The following HS3ST3A1 variants were observed in gnomAD, a reference collection of about 807,000 sequenced individuals.
HS3ST3A1 encodes heparan sulfate glucosamine 3-O-sulfotransferase 3A1.
A neutral mutation model predicts 25.7 loss-of-function variants in HS3ST3A1; 19 were observed. The ratio of observed to expected loss-of-function variants is 0.74; its 90% CI spans 0.52 to 1.08. The LOEUF (loss-of-function observed/expected upper bound fraction) is 1.08, where lower values mean the gene tolerates loss of function less well. Ranked by LOEUF, HS3ST3A1 falls within the 50% of genes least tolerant of loss-of-function variation. HS3ST3A1 has a pLI of 0.00. For missense variants in HS3ST3A1, 459 were observed against 594.3 expected (o/e 0.77, Z 2.37); for synonymous variants, 226 against 278.6 (o/e 0.81, Z 1.88).
At chr17:13,576,614 A>G (rs1907953791) in intron 1 of HS3ST3A1, among the ~76,000 whole-genome samples, 1 of 152,224 alleles carries the variant, frequency 6.6e-6, no homozygotes, top group African/African-American at 2.4e-5. Flanking sequence ...AAAGAGCATC[A>G]AGAGTATATG....
At chr17:13,573,836 A>G (rs1050397768) in intron 1 of HS3ST3A1, among the ~76,000 whole-genome samples, 1 of 152,120 alleles carries the variant, frequency 6.6e-6, no homozygotes, top group Non-Finnish European at 1.5e-5. Flanking sequence ...TCCAAAGTGG[A>G]GTTACGGGCA....
chr17:13,575,997 G>C (rs145637446), intron 1 of HS3ST3A1, among the ~76,000 whole-genome samples: 2 of 152,308 alleles, frequency 1.3e-5, no homozygotes, highest in African/African-American at 4.8e-5. Flanking sequence ...GCAAATGCTC[G>C]GGCCTCATGT....
chr17:13,505,018 A>T (rs1317194190), intron 1 of HS3ST3A1, among the ~76,000 whole-genome samples: 2 of 152,208 alleles, frequency 1.3e-5, no homozygotes, highest in Admixed American at 6.5e-5. Context: ...TACTCAGCCA[A>T]AAAAGAGATA....
At chr17:13,596,388 C>T (rs916690921) in intron 1 of HS3ST3A1, among the ~76,000 whole-genome samples, 5 of 146,394 alleles carry the variant, frequency 3.4e-5, no homozygotes, top group African/African-American at 1.3e-4. Flanking sequence ...TCGGTGTCTG[C>T]TCCCGCATGT....
intron 1 of HS3ST3A1, among the ~76,000 whole-genome samples, chr17:13,572,470 T>A (rs1907841266): frequency 6.6e-6 from 1 of 152,014 alleles, no homozygotes; most frequent in Non-Finnish European, 1.5e-5. Flanking sequence ...TTAGAGAAAG[T>A]CGGGGTGCTA....
At position 13,495,808 on chromosome 17, in the gene HS3ST3A1, G is replaced by A. The variant is rs1018254707; in HGVS notation, c.*389C>T. 3.7e-5 allele frequency: 6 copies of A among 160,458 alleles called. No homozygotes were observed. The highest frequency in any genetic ancestry group is 1.9e-4 in the South Asian group (1 of 5,178). The allele number at this position is 160,458 out of a possible 1,614,324, so 9.9% of individuals were successfully genotyped here. On this transcript the variant is annotated 3_prime_UTR_variant, in exon 2 of 2. Coordinates refer to ENST00000284110, the MANE Select transcript of HS3ST3A1 (RefSeq NM_006042.3). Reference sequence around the variant, plus strand: ...GAAATAATTTAAGAAAAAGTGGCACGGGAAAAAGGGAGAAAAATATAAGGA... The same window carrying A: ...GAAATAATTTAAGAAAAAGTGGCACAGGAAAAAGGGAGAAAAATATAAGGA...
In HS3ST3A1 at chr17:13,496,899, C is replaced by T. The variant is rs955399854; in HGVS notation, c.600-81G>A. 2.1e-5 allele frequency: 32 copies of T among 1,532,030 alleles called. No homozygotes were observed. In the African/African-American group the frequency reaches 3.4e-4, roughly 16 times the overall value. The allele number at this position is 1,532,030 out of a possible 1,614,324, so 94.9% of individuals were successfully genotyped here. ...GAGACTGTCAAGTACACGCTGGAGCCAGGCCGCAATTCCAGCCCCCGCAAC... is the reference window on the plus strand; with the variant it reads ...GAGACTGTCAAGTACACGCTGGAGCTAGGCCGCAATTCCAGCCCCCGCAAC... On this transcript the variant is annotated intron_variant, in intron 1 of 1. Coordinates refer to ENST00000284110, the MANE Select transcript of HS3ST3A1 (RefSeq NM_006042.3).
intron 1 of HS3ST3A1, among the ~76,000 whole-genome samples, chr17:13,534,895 G>A (rs542217373): frequency 2.1e-4 from 32 of 152,180 alleles, no homozygotes; most frequent in Non-Finnish European, 3.4e-4. Context: ...GTGTGGTGGC[G>A]CATGCCTGTA....
intron 1 of HS3ST3A1, among the ~76,000 whole-genome samples, chr17:13,583,033 G>T (rs1401534862): frequency 6.6e-6 from 1 of 152,186 alleles, no homozygotes; most frequent in East Asian, 1.9e-4. Flanking sequence ...GTAACTGAAA[G>T]GCAATAAATT....
intron 1 of HS3ST3A1, among the ~76,000 whole-genome samples, chr17:13,507,266 T>C (rs1905715522): frequency 6.6e-6 from 1 of 152,308 alleles, no homozygotes; most frequent in South Asian, 2.1e-4. Flanking sequence ...TGATGTATTA[T>C]TTCTTGAGTC....
At chr17:13,533,579 G>T (rs540022156) in intron 1 of HS3ST3A1, among the ~76,000 whole-genome samples, 4 of 148,904 alleles carry the variant, frequency 2.7e-5, no homozygotes, top group Non-Finnish European at 6.0e-5. Flanking sequence ...TCATTGCAAA[G>T]AATTTAAATC....
intron 1 of HS3ST3A1, among the ~76,000 whole-genome samples, chr17:13,506,064 T>C (rs1452867267): frequency 6.8e-6 from 1 of 146,290 alleles, no homozygotes; most frequent in African/African-American, 2.5e-5. Flanking sequence ...TCTGTTTCAG[T>C]AGAGTTGGAG....
chr17:13,502,099 T>G (rs2142293965), intron 1 of HS3ST3A1, among the ~76,000 whole-genome samples: 1 of 152,246 alleles, frequency 6.6e-6, no homozygotes, highest in East Asian at 1.9e-4. Flanking sequence ...GCTAGGGAAT[T>G]CCATTCTGGA....
chr17:13,601,387 C>T lies in HS3ST3A1; in HGVS notation c.-258G>A. The T allele has an allele frequency of 4.6e-6, 2 of 438,884 alleles. No homozygotes were observed. Among genetic ancestry groups the T allele is most frequent in the South Asian group, 8.7e-5 (2 of 22,948 alleles). 27.2% of individuals were successfully genotyped at this position (438,884 alleles called of 1,614,324 possible). ...CGCGGGTCCGTGCTTAAGAAACCAT[C>T]GTCTTAGACTCGCCCAAGTCCTGAG... is the stretch of plus-strand genomic sequence containing the variant. On this transcript the variant is annotated 5_prime_UTR_variant, in exon 1 of 2. Transcript: ENST00000284110.
rs1331089840 is a variant in HS3ST3A1, at chr17:13,600,841, G to A, written c.289C>T (p.Arg97Trp). 2.8e-6 allele frequency: 4 copies of A among 1,423,392 alleles called. No homozygotes were observed. The South Asian group carries it at 4.6e-5, about 16-fold the overall frequency. The allele number at this position is 1,423,392 out of a possible 1,614,324, so 88.2% of individuals were successfully genotyped here. ...CGGGGCGCGGGCGGCCGGCGCCTCCGCCACTGCGGCAGTTGCAGGAGGCGC... is the reference window on the plus strand; with the variant it reads ...CGGGGCGCGGGCGGCCGGCGCCTCCACCACTGCGGCAGTTGCAGGAGGCGC... ...RKRLLQLPQW[R>W]RRRPPAPRDD... The change falls in exon 1 of 2, where the codon CGG (arginine) becomes TGG (tryptophan). Residue 97 changes from arginine (R) to tryptophan (W), a missense_variant. By Grantham distance (101) the Arg-to-Trp change is moderately radical. Around this residue, in one of 3 missense-constraint regions of HS3ST3A1, gnomAD observed 346 missense variants for 303.9 expected, o/e 1.14. Transcript: ENST00000284110.
chr17:13,599,985 A>G (rs1408714902), intron 1 of HS3ST3A1, among the ~76,000 whole-genome samples: 1 of 152,234 alleles, frequency 6.6e-6, no homozygotes, highest in Non-Finnish European at 1.5e-5. Flanking sequence ...AGACAGACAT[A>G]TATTTTCCAA....
At chr17:13,589,073 C>A (rs1908354076) in intron 1 of HS3ST3A1, among the ~76,000 whole-genome samples, 1 of 152,226 alleles carries the variant, frequency 6.6e-6, no homozygotes, top group Non-Finnish European at 1.5e-5. Context: ...CCACACGTCA[C>A]AGGCTGTAAA....
intron 1 of HS3ST3A1, among the ~76,000 whole-genome samples, chr17:13,536,522 A>G (rs1906775406): frequency 6.6e-6 from 1 of 152,204 alleles, no homozygotes; most frequent in Non-Finnish European, 1.5e-5. Context: ...CAGGAAGGGG[A>G]AAGTTTTCTT....
intron 1 of HS3ST3A1, among the ~76,000 whole-genome samples, chr17:13,516,324 AT>A (rs997721365): frequency 3.7e-4 from 56 of 152,246 alleles, no homozygotes; most frequent in African/African-American, 1.3e-3. Flanking sequence ...AAATAAAAAA[AT>A]AAATAAATAA....
Sources: allele counts gnomAD v4.1 joint callset (sites outside exome capture counted in the v4.1 genomes callset), GRCh38; gene constraint gnomAD v4.1.1; regional missense constraint gnomAD v4.1.1; transcripts MANE v1.5; gene names NCBI Gene and HGNC (gene_info 2026-07-23, HGNC 2026-07-21).